Variants in WWC1 observed in about 807,000 individuals in gnomAD.
WWC1 encodes WW and C2 domain containing 1.
A neutral mutation model predicts 138.4 loss-of-function variants in WWC1; 55 were observed. The ratio of observed to expected loss-of-function variants is 0.40; its 90% CI spans 0.32 to 0.50. The LOEUF is 0.50. Among genes scored for constraint, WWC1 ranks in the 20% least tolerant of loss-of-function variants. The probability of loss-of-function intolerance (pLI) is 0.72; values close to 1 mark genes in which losing one functional copy is unlikely to be tolerated. For missense variants in WWC1, 1,226 were observed against 1,420.4 expected (o/e 0.86, Z 2.20); for synonymous variants, 524 against 564.9 (o/e 0.93, Z 1.03).
intron 17 of WWC1, 105 bp from the exon 18 acceptor site, chr5:168,453,859 ATCTT>A (rs1336705352): frequency 2.6e-6 from 4 of 1,534,436 alleles, no homozygotes; most frequent in Non-Finnish European, 3.5e-6. Flanking sequence ...TTTAAAATAT[ATCTT>A]CAATCATCAA....
chr5:168,467,567 G>A, intron 21 of WWC1: 1 of 362,254 alleles, frequency 2.8e-6, no homozygotes, highest in Non-Finnish European at 5.0e-6. Flanking sequence ...TAGGTGGCCT[G>A]AGGATTAGAG....
rs147002914 is a variant in WWC1, at chr5:168,297,553, G to A, written c.119+5282G>A. Among the ~76,000 whole-genome samples, 272 of 151,448 alleles carry A rather than the reference G, an allele frequency of 1.8e-3. 2 individuals carry two copies. Among genetic ancestry groups the A allele is most frequent in the African/African-American group, 6.3e-3 (259 of 41,210 alleles). ...AGGCAGGAGAATCGCTTGAATCCGG[G>A]AGGTGGAGGTTGTGGTGAGCCAAGA... On this transcript the variant is annotated intron_variant, in intron 1 of 22. Coordinates refer to ENST00000265293, the MANE Select transcript of WWC1 (RefSeq NM_015238.3).
At chr5:168,301,677 C>A (rs2152741365) in intron 1 of WWC1, among the ~76,000 whole-genome samples, 1 of 151,612 alleles carries the variant, frequency 6.6e-6, no homozygotes, top group South Asian at 2.1e-4. Context: ...TGAACCAGTT[C>A]CTTCTCAGCT....
At chr5:168,408,993 T>C (rs1360414644) in intron 7 of WWC1, among the ~76,000 whole-genome samples, 2 of 152,116 alleles carry the variant, frequency 1.3e-5, no homozygotes, top group Non-Finnish European at 2.9e-5. Context: ...ATTTTGCAGT[T>C]CCATTTTCAT....
At chr5:168,311,840 G>A (rs1026949864) in intron 1 of WWC1, among the ~76,000 whole-genome samples, 2 of 150,614 alleles carry the variant, frequency 1.3e-5, no homozygotes, top group Non-Finnish European at 2.9e-5. Flanking sequence ...TTGTGCCACT[G>A]CACTCCAGTC....
intron 15 of WWC1, among the ~76,000 whole-genome samples, chr5:168,431,688 A>G (rs969962021): frequency 1.2e-4 from 19 of 152,186 alleles, no homozygotes; most frequent in Admixed American, 7.9e-4. Flanking sequence ...AGGAAGAGTA[A>G]TGGACCTGAA....
At chr5:168,397,892 C>A in intron 4 of WWC1, 92 bp downstream of exon 4, 1 of 1,404,742 alleles carries the variant, frequency 7.1e-7, no homozygotes, top group Non-Finnish European at 1.0e-6. Context: ...ACAGATGCTC[C>A]AGCCAGGCTA....
chr5:168,318,432 T>C (rs550383337), intron 1 of WWC1, among the ~76,000 whole-genome samples: 1 of 152,314 alleles, frequency 6.6e-6, no homozygotes, highest in African/African-American at 2.4e-5. Context: ...CATCCATCTT[T>C]AGAACGCTCT....
At chr5:168,448,836 G>C (rs1329507211) in intron 17 of WWC1, among the ~76,000 whole-genome samples, 2 of 151,932 alleles carry the variant, frequency 1.3e-5, no homozygotes, top group East Asian at 1.9e-4. Context: ...AGCCAGGATG[G>C]TCTCGATCTC....
rs181492365 is a variant in WWC1, at chr5:168,464,976, C to T, written c.3150+14C>T. The T allele has an allele frequency of 1.8e-4, 285 of 1,612,650 alleles. No homozygotes were observed. In the East Asian group the frequency reaches 4.1e-3, roughly 23 times the overall value. ...CTGGAGAAGCGGGTGAGTTCTGCCT[C>T]GAAGGCAGGGGAGCCCTGCGCTCTG... On this transcript the variant is annotated intron_variant, in intron 21 of 22. Transcript: ENST00000265293.
At chr5:168,462,150 C>G (rs768098999) in intron 20 of WWC1, among the ~76,000 whole-genome samples, 1 of 152,124 alleles carries the variant, frequency 6.6e-6, no homozygotes, top group Non-Finnish European at 1.5e-5. Context: ...AGGGGCAGGC[C>G]CCCCACCTTT....
At chr5:168,438,316 C>T (rs1294758343) in intron 15 of WWC1, among the ~76,000 whole-genome samples, 1 of 152,056 alleles carries the variant, frequency 6.6e-6, no homozygotes, top group Non-Finnish European at 1.5e-5. Context: ...GGGCTGTTAC[C>T]CCCATGCTGC....
chr5:168,454,284 T>A (rs1455178111), intron 18 of WWC1, among the ~76,000 whole-genome samples, 184 bp downstream of exon 18: 1 of 152,146 alleles, frequency 6.6e-6, no homozygotes, highest in Non-Finnish European at 1.5e-5. Flanking sequence ...AACTCACCCA[T>A]CTCTTTTCTT....
intron 15 of WWC1, among the ~76,000 whole-genome samples, chr5:168,434,157 TCTC>T (rs1782158152): frequency 6.6e-6 from 1 of 152,214 alleles, no homozygotes; most frequent in Non-Finnish European, 1.5e-5. Flanking sequence ...CCTATTTTCT[TCTC>T]CTAATTGGAT....
chr5:168,389,970 G>A (rs1200875457), intron 3 of WWC1, among the ~76,000 whole-genome samples: 1 of 152,166 alleles, frequency 6.6e-6, no homozygotes, highest in Non-Finnish European at 1.5e-5. Flanking sequence ...AAGACACTTG[G>A]TACTGTTTCC....
intron 20 of WWC1, 98 bp downstream of exon 20, chr5:168,460,840 C>A: frequency 7.9e-7 from 1 of 1,263,340 alleles, no homozygotes; most frequent in Non-Finnish European, 1.1e-6. Flanking sequence ...CTGGCCATTT[C>A]TCCTCAGCCA....
chr5:168,379,241 G>A (rs992509207), intron 2 of WWC1, among the ~76,000 whole-genome samples: 3 of 152,132 alleles, frequency 2.0e-5, no homozygotes, highest in Non-Finnish European at 4.4e-5. Context: ...GAACTAAAAT[G>A]TAGTAGTGGC....
intron 1 of WWC1, among the ~76,000 whole-genome samples, chr5:168,340,610 T>C (rs1335241111): frequency 1.3e-5 from 2 of 152,200 alleles, no homozygotes; most frequent in African/African-American, 4.8e-5. Flanking sequence ...GTCTGGCTTC[T>C]TTCAGTGAGC....
At chr5:168,327,979 T>C (rs945573785) in intron 1 of WWC1, among the ~76,000 whole-genome samples, 5 of 152,204 alleles carry the variant, frequency 3.3e-5, no homozygotes, top group African/African-American at 1.2e-4. Flanking sequence ...CTCTCATAAA[T>C]GTGCAACCCA....
Sources: allele counts gnomAD v4.1 joint callset (sites outside exome capture counted in the v4.1 genomes callset), GRCh38; gene constraint gnomAD v4.1.1; transcripts MANE v1.5; gene names NCBI Gene and HGNC (gene_info 2026-07-23, HGNC 2026-07-21).